Variants in TMEM232 observed in about 807,000 individuals in gnomAD.
The protein encoded by TMEM232 is transmembrane protein 232.
Under a neutral mutation model 78.8 loss-of-function variants are expected in TMEM232, and 80 were observed. The ratio of observed to expected loss-of-function variants is 1.01; its 90% CI spans 0.85 to 1.22. The LOEUF (loss-of-function observed/expected upper bound fraction) is 1.22. TMEM232 is among the 50% of genes most tolerant of loss of function. The pLI, the probability that TMEM232 is intolerant of heterozygous loss-of-function variation, is 0.00. For synonymous variants in TMEM232, 297 were observed against 254.3 expected (o/e 1.17, Z -1.60); for missense variants, 881 against 742.2 (o/e 1.19, Z -2.17).
intron 1 of TMEM232, among the ~76,000 whole-genome samples, chr5:110,721,665 G>GTATATATATA (rs1199755010): frequency 4.0e-4 from 1 of 2,512 alleles, no homozygotes; most frequent in East Asian, 5.1e-3. Flanking sequence ...ATGTGTGTGT[G>GTATATATATA]TGTGTGTGTA....
At chr5:110,729,473 C>T (rs1798467560), upstream of TMEM232, among the ~76,000 whole-genome samples, 1 of 152,146 alleles carries the variant, frequency 6.6e-6, no homozygotes, top group South Asian at 2.1e-4. Context: ...ATCCAATCAC[C>T]CTTCCATGCT....
intron 1 of TMEM232, chr5:110,720,973 CA>C (rs1797532271): frequency 1.3e-5 from 2 of 152,044 alleles, no homozygotes; most frequent in African/African-American, 4.8e-5. Context: ...GATGAACATA[CA>C]AAATCTATGC....
chr5:110,611,984 G>A (rs1782351575), intron 8 of TMEM232, among the ~76,000 whole-genome samples: 2 of 152,140 alleles, frequency 1.3e-5, no homozygotes, highest in Admixed American at 1.3e-4. Flanking sequence ...GAAAGGACAC[G>A]ACGACGTGTA....
intron 12 of TMEM232, among the ~76,000 whole-genome samples, chr5:110,494,786 C>G (rs1031628628): frequency 2.0e-5 from 3 of 151,800 alleles, no homozygotes; most frequent in African/African-American, 7.3e-5. Flanking sequence ...AATACTATAA[C>G]TATGTATAAC....
chr5:110,629,923 T>C (rs1784907229), intron 5 of TMEM232, among the ~76,000 whole-genome samples: 1 of 152,140 alleles, frequency 6.6e-6, no homozygotes, highest in Non-Finnish European at 1.5e-5. Flanking sequence ...GAAAATATAT[T>C]CGGGGATCAT....
chr5:110,495,248 T>C (rs549254625), intron 12 of TMEM232, among the ~76,000 whole-genome samples: 1 of 151,992 alleles, frequency 6.6e-6, no homozygotes, highest in South Asian at 2.1e-4. Context: ...AACATTCTCC[T>C]TTCCTCTATT....
intron 2 of TMEM232, among the ~76,000 whole-genome samples, chr5:110,664,908 G>T (rs1446925598): frequency 1.3e-5 from 2 of 152,026 alleles, no homozygotes; most frequent in Non-Finnish European, 2.9e-5. Flanking sequence ...TTAACTCCAG[G>T]GCTTTTCAAA....
At chr5:110,412,683 T>C (rs1412601329) in intron 2 of TMEM232, among the ~76,000 whole-genome samples, 1 of 152,128 alleles carries the variant, frequency 6.6e-6, no homozygotes, top group Admixed American at 6.6e-5. Context: ...GACCCCTGAC[T>C]TGGTTTTAAG....
intron 11 of TMEM232, among the ~76,000 whole-genome samples, chr5:110,552,284 C>G (rs899936019): frequency 6.6e-6 from 1 of 151,610 alleles, no homozygotes; most frequent in Admixed American, 6.6e-5. Flanking sequence ...GTATTACTAA[C>G]TAATAGAGGA....
chr5:110,725,074 T>C lies in TMEM232; in HGVS notation c.-13+1553A>G, dbSNP rs1348893714. Among the ~76,000 whole-genome samples the C allele has an allele frequency of 2.6e-5, 4 of 152,208 alleles. No individual in the cohort carries two copies. In the East Asian group the frequency reaches 7.7e-4, roughly 29 times the overall value. On this transcript the variant is annotated intron_variant, in intron 1 of 13. Transcript: ENST00000455884. ...ATTTTAAAGAAATGAATTCATTTGG[T>C]TTTATGGAAATATAAGCAAAAATAA... is the stretch of plus-strand genomic sequence containing the variant.
chr5:110,477,901 A>C (rs749171816), intron 12 of TMEM232, among the ~76,000 whole-genome samples: 7 of 151,948 alleles, frequency 4.6e-5, no homozygotes, highest in Non-Finnish European at 8.8e-5. Flanking sequence ...AAGCAGCAAG[A>C]GACCATTATC....
At chr5:110,620,750 C>T (rs1783623706) in intron 7 of TMEM232, among the ~76,000 whole-genome samples, 1 of 150,666 alleles carries the variant, frequency 6.6e-6, no homozygotes, top group Non-Finnish European at 1.5e-5. Flanking sequence ...TGGCCTTTGG[C>T]AGTAGAACAT....
At chr5:110,457,247 T>C (rs1325370864) in intron 12 of TMEM232, among the ~76,000 whole-genome samples, 1 of 152,088 alleles carries the variant, frequency 6.6e-6, no homozygotes, top group Admixed American at 6.5e-5. Context: ...GATGTATGGA[T>C]GCTGAGTACA....
At chr5:110,726,099 CT>C (rs986597310) in intron 1 of TMEM232, among the ~76,000 whole-genome samples, 4 of 131,746 alleles carry the variant, frequency 3.0e-5, no homozygotes, top group African/African-American at 7.7e-5. Context: ...ATATACCCCC[CT>C]CTCTCTTTCA....
intron 12 of TMEM232, among the ~76,000 whole-genome samples, chr5:110,428,791 C>G (rs995461581): frequency 6.6e-6 from 1 of 151,680 alleles, no homozygotes; most frequent in African/African-American, 2.4e-5. Context: ...ATCTCGAGAT[C>G]CTTACTTTAA....
intron 12 of TMEM232, among the ~76,000 whole-genome samples, chr5:110,492,066 A>G (rs1765161583): frequency 6.6e-6 from 1 of 151,950 alleles, no homozygotes; most frequent in African/African-American, 2.4e-5. Flanking sequence ...GATCATTCCA[A>G]TTGTACAAAA....
intron 2 of TMEM232, among the ~76,000 whole-genome samples, chr5:110,401,352 T>A (rs1755586407): frequency 6.6e-6 from 1 of 151,182 alleles, no homozygotes; most frequent in Admixed American, 6.6e-5. Flanking sequence ...CAATAATGGA[T>A]TTTCTTTAGT....
chr5:110,582,135 C>T lies in TMEM232; in HGVS notation c.1277-13510G>A, dbSNP rs141085777. On this transcript the variant is annotated intron_variant, in intron 10 of 13. Transcript: ENST00000455884. Reference sequence around the variant, plus strand: ...AAGTTCTTAAAACAGAACTATGATTCGACTCAGCAATCTCATTACTGCGTA... The same window carrying T: ...AAGTTCTTAAAACAGAACTATGATTTGACTCAGCAATCTCATTACTGCGTA... Among the ~76,000 whole-genome samples, 482 of 151,930 alleles carry T rather than the reference C, an allele frequency of 3.2e-3. 1 individual carries two copies. Among genetic ancestry groups the T allele is most frequent in the African/African-American group, 0.011 (464 of 41,514 alleles).
In TMEM232 at chr5:110,611,722, A is replaced by G. The variant is rs139430607; in HGVS notation, c.903-5435T>C. Among the ~76,000 whole-genome samples, 480 of 152,298 alleles carry G rather than the reference A, an allele frequency of 3.2e-3. 1 individual carries two copies. The highest frequency in any genetic ancestry group is 0.011 in the African/African-American group (464 of 41,572). ...TTAAGCTGAAGAGTGTTATAGTCAC[A>G]GTTATGCTATAGCCCTGGCAGCATA... On this transcript the variant is annotated intron_variant, in intron 8 of 13. Transcript: ENST00000455884.
Sources: allele counts gnomAD v4.1 joint callset (sites outside exome capture counted in the v4.1 genomes callset), GRCh38; gene constraint gnomAD v4.1.1; transcripts MANE v1.5; gene names NCBI Gene and HGNC (gene_info 2026-07-23, HGNC 2026-07-21).